Variants in POU6F2 observed in about 807,000 individuals in gnomAD.
POU6F2 encodes POU domain, class 6, transcription factor 2.
POU6F2 carries 31 observed loss-of-function variants against 71.3 expected under a neutral mutation model. That is an observed-to-expected ratio of 0.43 (90% CI 0.33 to 0.59). POU6F2 has a LOEUF of 0.59. POU6F2 is among the 20% of genes least tolerant of loss of function. The pLI is 0.04. For missense variants in POU6F2, 783 were observed against 856.8 expected, an observed-to-expected ratio of 0.91 and a Z score of 1.07; for synonymous variants, 347 against 355.7, an observed-to-expected ratio of 0.98 and a Z score of 0.27.
intron 2 of POU6F2, among the ~76,000 whole-genome samples, chr7:39,200,434 G>A (rs1311905374): frequency 6.6e-6 from 1 of 152,148 alleles, no homozygotes. Flanking sequence ...CACTATCTTT[G>A]TGCCATATTT....
At position 39,464,411 on chromosome 7, in the gene POU6F2, G is replaced by T. The variant is rs775692137; in HGVS notation, c.1888G>T (p.Gly630Trp). The change falls in exon 10 of 10, where the codon GGG becomes TGG. Residue 630 changes from glycine to tryptophan, a missense_variant. Transcript: ENST00000518318. This position sits in a 1 kb window ranked among gnomAD's most constrained non-coding sequence, Gnocchi z 4.1. ...TATGCAGAACCTGACCGAGTTTATC[G>T]GGAGTGAACCATCCAAAAAGCGCAA... Reference protein sequence around the residue: ...AGMQNLTEFIGSEPSKKRKRR... With the variant: ...AGMQNLTEFIWSEPSKKRKRR... 8.7e-6 allele frequency: 14 copies of T among 1,613,866 alleles called. No homozygotes were observed. Among genetic ancestry groups the T allele is most frequent in the Non-Finnish European group, 1.2e-5 (14 of 1,179,894 alleles).
chr7:39,172,956 G>T (rs1793252311), intron 2 of POU6F2, among the ~76,000 whole-genome samples: 1 of 151,658 alleles, frequency 6.6e-6, no homozygotes, highest in African/African-American at 2.4e-5. Context: ...CTTTAGAGAA[G>T]TACTGTCCAA....
At chr7:39,215,459 C>G (rs575878688) in intron 4 of POU6F2, among the ~76,000 whole-genome samples, 1 of 152,092 alleles carries the variant, frequency 6.6e-6, no homozygotes, top group African/African-American at 2.4e-5. Flanking sequence ...AACTATATAT[C>G]GAGTTATATA....
intron 4 of POU6F2, among the ~76,000 whole-genome samples, chr7:39,214,835 G>A (rs1208818418): frequency 2.0e-5 from 3 of 152,176 alleles, no homozygotes; most frequent in African/African-American, 7.2e-5. Flanking sequence ...ATCCAAGGTG[G>A]CAAGAAATCA....
chr7:39,222,695 A>G (rs1241578827), intron 4 of POU6F2, among the ~76,000 whole-genome samples: 1 of 152,228 alleles, frequency 6.6e-6, no homozygotes, highest in Admixed American at 6.5e-5. Context: ...TTTGCTTAGC[A>G]TAATGTTTTC....
intron 2 of POU6F2, among the ~76,000 whole-genome samples, chr7:39,108,432 A>G (rs563962938): frequency 1.3e-5 from 2 of 152,178 alleles, no homozygotes; most frequent in South Asian, 4.2e-4. Flanking sequence ...TGGACTGCTC[A>G]TGGCAATGGC....
At chr7:38,996,269 G>A (rs1172679313) in intron 1 of POU6F2, among the ~76,000 whole-genome samples, 1 of 151,734 alleles carries the variant, frequency 6.6e-6, no homozygotes, top group African/African-American at 2.4e-5. Context: ...TCAAACTCCC[G>A]ACTTGAGGTG....
chr7:39,128,737 A>G (rs1792193999), intron 2 of POU6F2, among the ~76,000 whole-genome samples: 2 of 152,240 alleles, frequency 1.3e-5, no homozygotes, highest in Non-Finnish European at 2.9e-5. Flanking sequence ...GCTTGGATCT[A>G]TGATCGCCAT....
intron 5 of POU6F2, among the ~76,000 whole-genome samples, chr7:39,373,305 G>T (rs902574737): frequency 6.6e-6 from 1 of 152,182 alleles, no homozygotes; most frequent in Non-Finnish European, 1.5e-5. Flanking sequence ...ATGTTGGGAC[G>T]CTGAGCGGTT....
intron 1 of POU6F2, among the ~76,000 whole-genome samples, chr7:39,084,091 T>G (rs1461294075): frequency 6.6e-6 from 1 of 152,172 alleles, no homozygotes; most frequent in Non-Finnish European, 1.5e-5. Flanking sequence ...TCTTTCTCTC[T>G]CCCTCATCCC....
intron 1 of POU6F2, among the ~76,000 whole-genome samples, chr7:39,015,299 AAATATCTATATATAAT>A (rs1328263493): frequency 3.8e-5 from 5 of 130,358 alleles, no homozygotes; most frequent in African/African-American, 1.3e-4. Flanking sequence ...ATATATCTAT[AAATATCTATATATAAT>A]AATAGATATA....
At chr7:39,091,304 C>A (rs983218792) in intron 2 of POU6F2, among the ~76,000 whole-genome samples, 1 of 152,172 alleles carries the variant, frequency 6.6e-6, no homozygotes, top group African/African-American at 2.4e-5. Flanking sequence ...TTGTGCCTGC[C>A]TTTGCTAGCT....
At chr7:39,183,713 C>A (rs1402544152) in intron 2 of POU6F2, among the ~76,000 whole-genome samples, 1 of 152,174 alleles carries the variant, frequency 6.6e-6, no homozygotes, top group African/African-American at 2.4e-5. Flanking sequence ...TTGGGAACTG[C>A]TGCTCTAGAC....
chr7:39,450,006 G>A (rs1427035301), intron 7 of POU6F2, among the ~76,000 whole-genome samples: 1 of 152,138 alleles, frequency 6.6e-6, no homozygotes, highest in East Asian at 1.9e-4. Context: ...TGATGAGAAG[G>A]TTCTATATCT....
At chr7:39,243,436 C>G (rs1783761881) in intron 4 of POU6F2, among the ~76,000 whole-genome samples, 1 of 152,078 alleles carries the variant, frequency 6.6e-6, no homozygotes, top group South Asian at 2.1e-4. Context: ...CTCCACTCAC[C>G]AATGGAAGAC....
At chr7:39,049,370 T>C (rs1383606677) in intron 1 of POU6F2, among the ~76,000 whole-genome samples, 1 of 151,978 alleles carries the variant, frequency 6.6e-6, no homozygotes, top group Non-Finnish European at 1.5e-5. Flanking sequence ...CATATTTTGA[T>C]TTTTTTGTTT....
intron 1 of POU6F2, among the ~76,000 whole-genome samples, chr7:39,001,858 A>C (rs1254363799): frequency 6.6e-6 from 1 of 151,800 alleles, no homozygotes; most frequent in Non-Finnish European, 1.5e-5. Flanking sequence ...TGGTGATGTG[A>C]TGATGCTGCT....
chr7:39,357,165 C>T (rs1409969002), intron 5 of POU6F2, among the ~76,000 whole-genome samples: 2 of 152,154 alleles, frequency 1.3e-5, no homozygotes, highest in Non-Finnish European at 2.9e-5. Flanking sequence ...ACCTTGAGTG[C>T]ACCTCACACC....
chr7:39,195,300 C>G (rs1359168399), intron 2 of POU6F2, among the ~76,000 whole-genome samples: 1 of 152,228 alleles, frequency 6.6e-6, no homozygotes, highest in African/African-American at 2.4e-5. Flanking sequence ...TTGAAGGTCT[C>G]TGAGGTCTTG....
Sources: allele counts gnomAD v4.1 joint callset (sites outside exome capture counted in the v4.1 genomes callset), GRCh38; gene constraint gnomAD v4.1.1; non-coding constraint Gnocchi (gnomAD v3.1); transcripts MANE v1.5; gene names NCBI Gene and HGNC (gene_info 2026-07-23, HGNC 2026-07-21).